The following SBF2 variants were observed in gnomAD, a reference collection of about 807,000 sequenced individuals.
The protein encoded by SBF2 is myotubularin-related protein 13.
Under a neutral mutation model 225.2 loss-of-function variants are expected in SBF2, and 112 were observed. That is an observed-to-expected ratio of 0.50 (90% confidence interval 0.43 to 0.58). The LOEUF (loss-of-function observed/expected upper bound fraction) is 0.58. SBF2 is among the 20% of genes least tolerant of loss of function. The probability of loss-of-function intolerance (pLI) is 0.00; values close to 1 mark genes in which losing one functional copy is unlikely to be tolerated. For synonymous variants in SBF2, 763 were observed against 773.3 expected, an observed-to-expected ratio of 0.99 and a Z score of 0.22; for missense variants, 1,996 against 2,206.2, an observed-to-expected ratio of 0.90 and a Z score of 1.91.
In SBF2 at chr11:9,989,228, G is replaced by A. The variant is rs566650150; in HGVS notation, c.1395+269C>T. Among the ~76,000 whole-genome samples the A allele has an allele frequency of 1.2e-4, 19 of 152,202 alleles. No individual in the cohort carries two copies. In the South Asian group the frequency reaches 3.9e-3, roughly 32 times the overall value. Reference sequence around the variant, plus strand: ...AAACATTGTATGTTCTCACTGATACGTGGGAGCTAAGCTATGAGGACGCAA... The same window carrying A: ...AAACATTGTATGTTCTCACTGATACATGGGAGCTAAGCTATGAGGACGCAA... On this transcript the variant is annotated intron_variant, in intron 13 of 39. Transcript: ENST00000256190.
intron 2 of SBF2, among the ~76,000 whole-genome samples, chr11:10,087,214 T>C (rs1404368251): frequency 6.6e-6 from 1 of 152,142 alleles, no homozygotes; most frequent in Non-Finnish European, 1.5e-5. Context: ...AATTTTGATG[T>C]GTATTTTTGA....
intron 17 of SBF2, among the ~76,000 whole-genome samples, chr11:9,881,787 A>G (rs1000271102): frequency 6.6e-6 from 1 of 152,120 alleles, no homozygotes; most frequent in African/African-American, 2.4e-5. Flanking sequence ...AAACAATAAA[A>G]GCCTGGGCAA....
intron 1 of SBF2, among the ~76,000 whole-genome samples, chr11:10,205,287 T>G (rs1324568235): frequency 6.6e-6 from 1 of 151,978 alleles, no homozygotes; most frequent in Non-Finnish European, 1.5e-5. Context: ...CTTTACGGTA[T>G]GTAAATTATA....
chr11:9,967,933 CTGTCTG>C (rs1335470476), intron 14 of SBF2, among the ~76,000 whole-genome samples: 28 of 117,492 alleles, frequency 2.4e-4, no homozygotes, highest in Admixed American at 4.7e-4. Context: ...GTCTGTCTGT[CTGTCTG>C]TCTGTCTGTC....
chr11:9,967,967 C>CTATA lies in SBF2; in HGVS notation c.1600+373_1600+374insTATA, dbSNP rs1158496220. ...TGTCTGTCTCTCTCTCTCTCTCTCT[C>CTATA]TCTCTATATATATATATATATATAA... is the stretch of plus-strand genomic sequence containing the variant. On this transcript the variant is annotated intron_variant, in intron 14 of 39. Coordinates refer to ENST00000256190, the MANE Select transcript of SBF2 (RefSeq NM_030962.4). 2.3e-3 allele frequency among the ~76,000 whole-genome samples: 210 copies of CTATA among 90,640 alleles called. 1 individual carries two copies. Among genetic ancestry groups the CTATA allele is most frequent in the African/African-American group, 6.9e-3 (196 of 28,226 alleles). The allele number at this position is 90,640 out of a possible 152,430, so 59.5% of individuals were successfully genotyped here.
intron 16 of SBF2, chr11:9,958,548 C>G (rs1330994940): frequency 6.0e-6 from 1 of 167,590 alleles, no homozygotes; most frequent in African/African-American, 2.4e-5. Context: ...TTAGTAGAGA[C>G]GGGGTTTCAC....
At chr11:10,044,522 A>C (rs986894240) in intron 2 of SBF2, 1 of 210,894 alleles carries the variant, frequency 4.7e-6, no homozygotes, top group Non-Finnish European at 9.2e-6. Context: ...CACTCACCAG[A>C]CTATGGAGGA....
chr11:10,233,423 C>T (rs577772302), intron 1 of SBF2, among the ~76,000 whole-genome samples: 12 of 150,878 alleles, frequency 8.0e-5, no homozygotes, highest in South Asian at 2.1e-4. Context: ...TTTGTACTGC[C>T]GGGTGCTCCT....
At chr11:10,234,042 T>A (rs1332344236) in intron 1 of SBF2, among the ~76,000 whole-genome samples, 1 of 152,350 alleles carries the variant, frequency 6.6e-6, no homozygotes, top group Non-Finnish European at 1.5e-5. Flanking sequence ...GATATAATGA[T>A]TTAATACTGA....
intron 37 of SBF2, among the ~76,000 whole-genome samples, chr11:9,784,776 T>C (rs962188579): frequency 2.0e-5 from 3 of 152,218 alleles, no homozygotes; most frequent in Non-Finnish European, 4.4e-5. Context: ...TCCTAGCTTA[T>C]GTGAGTAAAT....
chr11:10,044,167 G>A (rs1949764854), intron 2 of SBF2, among the ~76,000 whole-genome samples: 1 of 148,644 alleles, frequency 6.7e-6, no homozygotes, highest in African/African-American at 2.5e-5. Context: ...ACTGAAAACA[G>A]AAAATCAGTA....
chr11:9,920,837 T>G (rs1863561067), intron 16 of SBF2, among the ~76,000 whole-genome samples: 1 of 152,100 alleles, frequency 6.6e-6, no homozygotes. Flanking sequence ...AAGCATGACA[T>G]GGAGAGAGAC....
At chr11:10,186,803 TA>T (rs1956948383) in intron 2 of SBF2, among the ~76,000 whole-genome samples, 1 of 152,168 alleles carries the variant, frequency 6.6e-6, no homozygotes, top group Non-Finnish European at 1.5e-5. Context: ...CACTGGCATA[TA>T]AAACACAGTA....
intron 2 of SBF2, 103 bp from the exon 3 acceptor site, chr11:10,043,084 C>T: frequency 8.5e-7 from 1 of 1,176,712 alleles, no homozygotes; most frequent in Non-Finnish European, 1.2e-6. Context: ...AAATTCCTAC[C>T]TGATGTGGTA....
At chr11:10,119,702 A>G (rs1184111989) in intron 2 of SBF2, among the ~76,000 whole-genome samples, 1 of 152,204 alleles carries the variant, frequency 6.6e-6, no homozygotes, top group Non-Finnish European at 1.5e-5. Flanking sequence ...TGTGAACCAA[A>G]GAATGTTTAA....
chr11:10,129,157 G>A (rs1953905870), intron 2 of SBF2, among the ~76,000 whole-genome samples: 1 of 134,450 alleles, frequency 7.4e-6, no homozygotes, highest in South Asian at 2.3e-4. Flanking sequence ...AGGCTGGAGT[G>A]CAGTGGCACG....
intron 13 of SBF2, among the ~76,000 whole-genome samples, chr11:9,979,017 A>G (rs1432900501): frequency 6.6e-5 from 10 of 152,196 alleles, no homozygotes; most frequent in African/African-American, 2.4e-4. Flanking sequence ...AAAAAGAACA[A>G]CATGTAAAGT....
chr11:10,036,034 G>A (rs551828189), intron 3 of SBF2, among the ~76,000 whole-genome samples: 21 of 152,174 alleles, frequency 1.4e-4, no homozygotes, highest in South Asian at 4.2e-4. Context: ...ATAATAGATC[G>A]GATTAAGCAA....
At chr11:9,886,916 C>A (rs1010374432) in intron 17 of SBF2, among the ~76,000 whole-genome samples, 33 of 152,104 alleles carry the variant, frequency 2.2e-4, no homozygotes, top group Non-Finnish European at 4.7e-4. Flanking sequence ...TTTGACTAAT[C>A]TATCTTCTCT....
Sources: gnomAD v4.1 joint callset for allele counts (sites outside exome capture counted in the v4.1 genomes callset) on GRCh38, gnomAD v4.1.1 for gene constraint, MANE v1.5 for transcripts, NCBI Gene and HGNC (gene_info 2026-07-23, HGNC 2026-07-21) for gene names.